SYNRG: variants seen among roughly 807,000 people sequenced by gnomAD.
SYNRG encodes the protein AP1 gamma subunit binding protein 1.
SYNRG carries 37 observed loss-of-function variants against 130.9 expected under a neutral mutation model. The ratio of observed to expected loss-of-function variants is 0.28; its 90% CI spans 0.22 to 0.37. The LOEUF (loss-of-function observed/expected upper bound fraction) is 0.37. Ranked by LOEUF, SYNRG falls within the 10% of genes least tolerant of loss-of-function variation. The pLI, the probability that SYNRG is intolerant of heterozygous loss-of-function variation, is 1.00. For missense variants in SYNRG, 1,338 were observed against 1,588.9 expected, an observed-to-expected ratio of 0.84 and a Z score of 2.68; for synonymous variants, 539 against 568.1, an observed-to-expected ratio of 0.95 and a Z score of 0.73.
chr17:37,525,019 G>A (rs749292763), intron 19 of SYNRG, among the ~76,000 whole-genome samples: 9 of 152,242 alleles, frequency 5.9e-5, no homozygotes, highest in Non-Finnish European at 1.0e-4. Flanking sequence ...TACTGTAATC[G>A]CCAATGAAAA....
chr17:37,606,830 ACAGT>A (rs2063789365), intron 1 of SYNRG, among the ~76,000 whole-genome samples: 1 of 152,106 alleles, frequency 6.6e-6, no homozygotes, highest in Admixed American at 6.5e-5. Flanking sequence ...TCTAAACAAT[ACAGT>A]CAGTTATAGT....
intron 6 of SYNRG, chr17:37,579,342 C>T (rs1391384846): frequency 7.7e-7 from 1 of 1,304,178 alleles, no homozygotes; most frequent in East Asian, 5.5e-5. Flanking sequence ...GGAACTTCAA[C>T]AGGCCCCTGC....
intron 11 of SYNRG, among the ~76,000 whole-genome samples, chr17:37,566,369 T>C (rs2059997802): frequency 6.8e-6 from 1 of 146,786 alleles, no homozygotes; most frequent in South Asian, 2.3e-4. Context: ...ATGTGCTGTG[T>C]CCACTCAGGG....
At position 37,553,561 on chromosome 17, in the gene SYNRG, G is replaced by C. The variant is rs767918935; in HGVS notation, c.2162C>G (p.Pro721Arg). 6.2e-7 allele frequency: 1 copy of C among 1,614,222 alleles called. No homozygotes were observed. The highest frequency in any genetic ancestry group is 2.2e-5 in the East Asian group (1 of 44,888). Residue 721 changes from proline (P) to arginine (R), a missense_variant, in exon 14 of 22, where the codon CCT becomes CGT. By Grantham distance (103) the Pro-to-Arg change is moderately radical. Around this residue, in one of 3 missense-constraint regions of SYNRG, gnomAD observed 1,146 missense variants for 1,342.3 expected, o/e 0.85. Transcript: ENST00000612223. ...KYDALKEEAS[P>R]VPLTSNVGST... ...GCCCACGTTGCTGGTTAGAGGAACA[G>C]GACTGGCTTCCTCTTTAAGGGCATC...
At chr17:37,525,936 A>G (rs2055844836) in intron 19 of SYNRG, among the ~76,000 whole-genome samples, 1 of 152,256 alleles carries the variant, frequency 6.6e-6, no homozygotes, top group African/African-American at 2.4e-5. Flanking sequence ...ATTGCACTCC[A>G]GCCTGGGCAA....
intron 3 of SYNRG, among the ~76,000 whole-genome samples, chr17:37,594,840 T>A (rs1473677624): frequency 1.3e-5 from 2 of 152,160 alleles, no homozygotes; most frequent in Non-Finnish European, 2.9e-5. Flanking sequence ...CCTATTGATG[T>A]TAAGGCCACA....
intron 3 of SYNRG, among the ~76,000 whole-genome samples, chr17:37,594,150 T>A (rs1026623898): frequency 1.3e-5 from 2 of 148,214 alleles, no homozygotes; most frequent in Non-Finnish European, 3.0e-5. Context: ...ATAATGTTTA[T>A]GAATATTATT....
At chr17:37,534,275 A>T (rs1399326065) in intron 19 of SYNRG, among the ~76,000 whole-genome samples, 3 of 152,068 alleles carry the variant, frequency 2.0e-5, no homozygotes, top group Non-Finnish European at 4.4e-5. Flanking sequence ...TACTAATAAT[A>T]TGTAGGATTG....
chr17:37,565,713 A>G (rs1033576739), intron 11 of SYNRG, among the ~76,000 whole-genome samples: 1 of 148,850 alleles, frequency 6.7e-6, no homozygotes, highest in Non-Finnish European at 1.5e-5. Context: ...CTGGGATGTG[A>G]GGAGCGCCTC....
At chr17:37,525,166 T>C (rs17138653) in intron 19 of SYNRG, among the ~76,000 whole-genome samples, 39,263 of 152,134 alleles carry the variant, frequency 0.26, 5,225 homozygotes, top group Admixed American at 0.34. Context: ...TCATATAAGA[T>C]AACAGTTTGG....
intron 19 of SYNRG, among the ~76,000 whole-genome samples, chr17:37,528,191 T>C (rs1193345015): frequency 6.6e-6 from 1 of 152,200 alleles, no homozygotes; most frequent in Non-Finnish European, 1.5e-5. Context: ...ACATCTAGAA[T>C]ATAATCTAGC....
At chr17:37,566,014 G>T (rs1295760029) in intron 11 of SYNRG, among the ~76,000 whole-genome samples, 5 of 150,450 alleles carry the variant, frequency 3.3e-5, no homozygotes, top group African/African-American at 9.9e-5. Flanking sequence ...GGGAGGTGGG[G>T]GGGTCAGCCC....
At chr17:37,578,542 G>A (rs2061037457) in intron 6 of SYNRG, among the ~76,000 whole-genome samples, 1 of 152,094 alleles carries the variant, frequency 6.6e-6, no homozygotes, top group Non-Finnish European at 1.5e-5. Flanking sequence ...CTAACTCCTA[G>A]GGAGGCCTCT....
rs2054312861 is a variant in SYNRG, at chr17:37,514,936, TACAA to T, written c.*4000_*4003del. 6.6e-6 allele frequency: 1 copy of T among 152,160 alleles called. No homozygotes were observed. The highest frequency in any genetic ancestry group is 2.4e-5 in the African/African-American group (1 of 41,426). 9.4% of individuals were successfully genotyped at this position (152,160 alleles called of 1,614,324 possible). A position where few individuals can be genotyped will look rare whatever the true frequency, so the allele number is the denominator to read the frequency against. On this transcript the variant is annotated 3_prime_UTR_variant, in exon 22 of 22. Transcript: ENST00000612223. ...CAATTAGAGCAGTTGTTTATTAAAA[TACAA>T]ACAAGGGAGAAACCACACCATCTTT...
Position 37,577,732 on chromosome 17 carries a change from T to TG in SYNRG, c.590-120_590-119insC. 4.0e-6 allele frequency: 3 copies of TG among 746,696 alleles called. No homozygotes were observed. In the African/African-American group the frequency reaches 6.1e-5, roughly 15 times the overall value. 46.3% of individuals were successfully genotyped at this position (746,696 alleles called of 1,614,324 possible). A position where few individuals can be genotyped will look rare whatever the true frequency, so the allele number is the denominator to read the frequency against. ...TTTTTTTTTTGAGATGGAATCTCAC[T>TG]CTGTCACCCAGGCTGTAGTGTACTG... On this transcript the variant is annotated intron_variant, in intron 6 of 21. Coordinates refer to ENST00000612223, the MANE Select transcript of SYNRG (RefSeq NM_007247.6).
intron 1 of SYNRG, among the ~76,000 whole-genome samples, chr17:37,605,280 A>G (rs2063652221): frequency 6.6e-6 from 1 of 152,244 alleles, no homozygotes; most frequent in Non-Finnish European, 1.5e-5. Flanking sequence ...AGCTGTCAAG[A>G]TTTTTAAAAA....
At chr17:37,571,536 C>T (rs895993736) in intron 9 of SYNRG, among the ~76,000 whole-genome samples, 2 of 152,186 alleles carry the variant, frequency 1.3e-5, no homozygotes, top group Non-Finnish European at 2.9e-5. Flanking sequence ...GAGCTGAGAT[C>T]TCGCCACTGC....
chr17:37,527,807 C>T (rs1440721480), intron 19 of SYNRG, among the ~76,000 whole-genome samples: 7 of 152,116 alleles, frequency 4.6e-5, no homozygotes, highest in South Asian at 2.1e-4. Flanking sequence ...TGTCCTGGAA[C>T]CAATTCCCCC....
chr17:37,553,272 G>A lies in SYNRG; in HGVS notation c.2451C>T (p.Ser817=). The A allele has an allele frequency of 1.9e-6, 3 of 1,613,878 alleles. No homozygotes were observed. Among genetic ancestry groups the A allele is most frequent in the Non-Finnish European group, 1.7e-6 (2 of 1,179,952 alleles). The change falls in exon 14 of 22, where the codon TCC becomes TCT. Residue 817 remains serine (S), a synonymous_variant. Coordinates refer to ENST00000612223, the MANE Select transcript of SYNRG (RefSeq NM_007247.6). Reference sequence around the variant, plus strand: ...CCTTGCCAACACTGCTGCCACCAATGGAAGGGAGATCTAAGGACTTCACTG... The same window carrying A: ...CCTTGCCAACACTGCTGCCACCAATAGAAGGGAGATCTAAGGACTTCACTG... ...SASVKSLDLP[S]IGGSSVGKED... is the part of the protein sequence containing the mutation.
Sources: allele counts gnomAD v4.1 joint callset (sites outside exome capture counted in the v4.1 genomes callset), GRCh38; gene constraint gnomAD v4.1.1; regional missense constraint gnomAD v4.1.1; transcripts MANE v1.5; gene names NCBI Gene and HGNC (gene_info 2026-07-23, HGNC 2026-07-21).